Variants in TENM4 observed in about 807,000 individuals in gnomAD.
The protein encoded by TENM4 is teneurin-4.
TENM4 carries 82 observed loss-of-function variants against 243.3 expected under a neutral mutation model. The ratio of observed to expected loss-of-function variants is 0.34; its 90% CI spans 0.28 to 0.40. The LOEUF (loss-of-function observed/expected upper bound fraction) is 0.40. TENM4 is among the 10% of genes least tolerant of loss of function. TENM4 has a pLI of 1.00. For synonymous variants in TENM4, 1,412 were observed against 1,456.3 expected (o/e 0.97, Z 0.69); for missense variants, 3,138 against 3,673.3 (o/e 0.85, Z 3.77).
intron 6 of TENM4, among the ~76,000 whole-genome samples, chr11:78,963,819 C>T (rs562662708): frequency 6.6e-6 from 1 of 151,604 alleles, no homozygotes; most frequent in Admixed American, 6.6e-5. Context: ...GCAACCTCTG[C>T]CTCCCAGGTC....
chr11:78,935,478 A>C (rs75534480), intron 6 of TENM4, among the ~76,000 whole-genome samples: 2,766 of 152,312 alleles, frequency 0.018, 35 homozygotes, highest in Non-Finnish European at 0.027. Flanking sequence ...TTTACAGGTG[A>C]GGAAATGGGC....
intron 12 of TENM4, among the ~76,000 whole-genome samples, chr11:78,842,572 C>A (rs370037172): frequency 1.3e-5 from 2 of 152,244 alleles, no homozygotes; most frequent in South Asian, 2.1e-4. Flanking sequence ...AGAGACAAAG[C>A]CTGTCCCAGG....
chr11:79,350,701 A>AAGTGCTGAAT (rs1857400405), intron 1 of TENM4, among the ~76,000 whole-genome samples: 1 of 151,400 alleles, frequency 6.6e-6, no homozygotes, highest in African/African-American at 2.4e-5. Context: ...CAGCTTCCCA[A>AAGTGCTGAAT]AGTGCTGGAA....
chr11:79,348,026 G>C (rs1397699012), intron 1 of TENM4, among the ~76,000 whole-genome samples: 1 of 151,864 alleles, frequency 6.6e-6, no homozygotes, highest in Non-Finnish European at 1.5e-5. Flanking sequence ...TGATCCACCC[G>C]CCTCGGCCTC....
At chr11:78,903,681 A>C (rs2136330043) in intron 6 of TENM4, 158 bp from the exon 7 acceptor site, 1 of 1,204,314 alleles carries the variant, frequency 8.3e-7, no homozygotes. Flanking sequence ...TTGTTTATTG[A>C]GCACCTACCA....
chr11:79,322,584 C>T (rs1394081910), intron 1 of TENM4, among the ~76,000 whole-genome samples: 1 of 151,894 alleles, frequency 6.6e-6, no homozygotes, highest in African/African-American at 2.4e-5. Flanking sequence ...ACACTCTCCC[C>T]AAAACACAAC....
chr11:79,231,384 ATT>A (rs11293184), intron 2 of TENM4, among the ~76,000 whole-genome samples: 29 of 147,950 alleles, frequency 2.0e-4, no homozygotes, highest in South Asian at 1.9e-3. Flanking sequence ...TAAATTAGTA[ATT>A]TTTTTTTTTT....
At chr11:79,298,819 A>G (rs1181424852) in intron 1 of TENM4, among the ~76,000 whole-genome samples, 1 of 152,160 alleles carries the variant, frequency 6.6e-6, no homozygotes, top group Non-Finnish European at 1.5e-5. Context: ...TGCCATATCC[A>G]TGTGTCACCT....
rs199514320 is a variant in TENM4, at chr11:78,669,711, G to A, written c.6634C>T (p.Leu2212Phe). The A allele has an allele frequency of 1.1e-5, 17 of 1,614,002 alleles. No individual in the cohort carries two copies. The East Asian group carries it at 3.1e-4, about 30-fold the overall frequency. ...TTGAGGTCGTAGCTGTAGCGCCAGA[G>A]TGGCTTGTCATTGATGGAGACTGTC... ...LQTVSINDKPLWRYSYDLNGN... is the reference protein window; with the variant it reads ...LQTVSINDKPFWRYSYDLNGN... The change falls in exon 32 of 34, where the codon CTC (leucine) becomes TTC (phenylalanine). Residue 2212 changes from leucine to phenylalanine, a missense_variant. Transcript: ENST00000278550. The surrounding 1 kb of genome is among the most constrained non-coding windows in gnomAD (Gnocchi z 6.4).
Position 78,701,655 on chromosome 11 carries a change from G to T in TENM4, c.4958C>A (p.Thr1653Asn). The T allele has an allele frequency of 6.2e-7, 1 of 1,613,944 alleles. No homozygotes were observed. The highest frequency in any genetic ancestry group is 8.5e-7 in the Non-Finnish European group (1 of 1,179,880). ...VVPDGQVYWV[T>N]MGTNSALKSV... ...CTTGAGTGCACTGTTGGTGCCCATG[G>T]TCACCCAGTACACCTGGCCATCTGG... The change falls in exon 28 of 34, where the codon ACC becomes AAC. Residue 1653 changes from threonine (T) to asparagine (N), a missense_variant. By Grantham distance (65) the Thr-to-Asn change is moderately conservative. Around this residue, in one of 2 missense-constraint regions of TENM4, gnomAD observed 2,467 missense variants for 3,059.1 expected, o/e 0.81. Transcript: ENST00000278550.
chr11:79,192,034 C>A (rs1307621003), intron 3 of TENM4, among the ~76,000 whole-genome samples: 39 of 150,078 alleles, frequency 2.6e-4, no homozygotes, highest in African/African-American at 9.2e-4. Context: ...AGTGAGGAGC[C>A]CCTCTGCCCA....
intron 6 of TENM4, among the ~76,000 whole-genome samples, chr11:78,923,576 C>T (rs887750327): frequency 5.9e-5 from 9 of 151,912 alleles, no homozygotes; most frequent in Non-Finnish European, 1.2e-4. Context: ...TTCACTCTGT[C>T]CCCCAGGCTG....
chr11:79,277,898 G>A (rs1182093686), intron 2 of TENM4, among the ~76,000 whole-genome samples: 1 of 152,178 alleles, frequency 6.6e-6, no homozygotes, highest in Non-Finnish European at 1.5e-5. Flanking sequence ...GGCATGAGGT[G>A]AGGGCAGAGA....
At chr11:79,039,206 C>G (rs533365680) in intron 6 of TENM4, among the ~76,000 whole-genome samples, 1 of 152,314 alleles carries the variant, frequency 6.6e-6, no homozygotes, top group African/African-American at 2.4e-5. Flanking sequence ...TAAGCCCTAT[C>G]CAGAGCAAAA....
chr11:79,157,829 C>T (rs747830305), intron 3 of TENM4, among the ~76,000 whole-genome samples: 1 of 152,162 alleles, frequency 6.6e-6, no homozygotes, highest in Non-Finnish European at 1.5e-5. Context: ...CTCCAGAAGG[C>T]CTTGGACAGT....
intron 15 of TENM4, among the ~76,000 whole-genome samples, chr11:78,804,575 G>A (rs1004319493): frequency 3.3e-5 from 5 of 152,164 alleles, no homozygotes; most frequent in Admixed American, 2.6e-4. Flanking sequence ...GTAAATCATA[G>A]TGTTTTCAAA....
At chr11:78,932,939 G>A (rs1351968450) in intron 6 of TENM4, among the ~76,000 whole-genome samples, 1 of 152,162 alleles carries the variant, frequency 6.6e-6, no homozygotes, top group East Asian at 1.9e-4. Flanking sequence ...TCCGGTACAG[G>A]TTCGCGGCCC....
intron 1 of TENM4, among the ~76,000 whole-genome samples, chr11:79,309,167 G>A (rs1014541822): frequency 1.3e-5 from 2 of 152,200 alleles, no homozygotes; most frequent in Non-Finnish European, 2.9e-5. Flanking sequence ...GATGGTGGAA[G>A]TCCACATGTT....
At chr11:78,735,605 ATG>A (rs1855768757) in intron 20 of TENM4, among the ~76,000 whole-genome samples, 1 of 152,226 alleles carries the variant, frequency 6.6e-6, no homozygotes, top group Non-Finnish European at 1.5e-5. Context: ...ATGAATGTGA[ATG>A]TGACCCCAAA....
Sources: allele counts gnomAD v4.1 joint callset (sites outside exome capture counted in the v4.1 genomes callset), GRCh38; gene constraint gnomAD v4.1.1; regional missense constraint gnomAD v4.1.1; non-coding constraint Gnocchi (gnomAD v3.1); transcripts MANE v1.5; gene names NCBI Gene and HGNC (gene_info 2026-07-23, HGNC 2026-07-21).